Variants in GRIA1 observed in about 807,000 individuals in gnomAD.
GRIA1 encodes the protein glutamate ionotropic receptor AMPA type subunit 1.
In GRIA1, 31 loss-of-function variants were observed where a neutral mutation model predicts 99.2. The ratio of observed to expected loss-of-function variants is 0.31; its 90% CI spans 0.23 to 0.42. The LOEUF (loss-of-function observed/expected upper bound fraction) is 0.42, where lower values mean the gene tolerates loss of function less well. Among genes scored for constraint, GRIA1 ranks in the 10% least tolerant of loss-of-function variants. GRIA1 has a pLI of 1.00. For missense variants in GRIA1, 782 were observed against 1,157.5 expected, an observed-to-expected ratio of 0.68 and a Z score of 4.71; for synonymous variants, 438 against 432.4, an observed-to-expected ratio of 1.01 and a Z score of -0.16.
chr5:153,656,626 C>A (rs1198186353), intron 5 of GRIA1, among the ~76,000 whole-genome samples: 3 of 151,808 alleles, frequency 2.0e-5, no homozygotes, highest in Non-Finnish European at 4.4e-5. Context: ...AAGTTTAATT[C>A]TTCTAGCTTT....
chr5:153,676,607 C>T (rs1756604422), intron 6 of GRIA1, among the ~76,000 whole-genome samples: 1 of 152,282 alleles, frequency 6.6e-6, no homozygotes, highest in Admixed American at 6.5e-5. Flanking sequence ...GCTGATTTTT[C>T]ATGAACTGTA....
chr5:153,510,708 AG>A (rs924234816), intron 2 of GRIA1, among the ~76,000 whole-genome samples: 1 of 152,210 alleles, frequency 6.6e-6, no homozygotes, highest in African/African-American at 2.4e-5. Context: ...GATATTCCAA[AG>A]GTCTTGTTTA....
At chr5:153,522,940 CTTA>C (rs1445446905) in intron 2 of GRIA1, among the ~76,000 whole-genome samples, 1 of 151,798 alleles carries the variant, frequency 6.6e-6, no homozygotes, top group African/African-American at 2.4e-5. Flanking sequence ...GGTATGAATT[CTTA>C]TTAATTAATG....
intron 10 of GRIA1, among the ~76,000 whole-genome samples, chr5:153,703,237 A>C (rs1291222371): frequency 2.0e-5 from 3 of 152,248 alleles, no homozygotes; most frequent in Non-Finnish European, 4.4e-5. Flanking sequence ...ATGCTTAGGA[A>C]GATGAATGAC....
intron 11 of GRIA1, among the ~76,000 whole-genome samples, chr5:153,738,075 C>T (rs755023321): frequency 1.3e-5 from 2 of 152,150 alleles, no homozygotes; most frequent in South Asian, 4.1e-4. Context: ...CCAGGAACAG[C>T]GACTAAGAAA....
chr5:153,738,892 T>C (rs1325654627), intron 11 of GRIA1, among the ~76,000 whole-genome samples: 1 of 151,800 alleles, frequency 6.6e-6, no homozygotes, highest in Non-Finnish European at 1.5e-5. Flanking sequence ...CCGGCTAATT[T>C]TGTATTTTTA....
intron 8 of GRIA1, among the ~76,000 whole-genome samples, chr5:153,694,667 G>A (rs1025059262): frequency 9.9e-5 from 15 of 152,252 alleles, no homozygotes; most frequent in African/African-American, 3.6e-4. Flanking sequence ...CAAGCTGATA[G>A]TTGGTAATTA....
intron 2 of GRIA1, among the ~76,000 whole-genome samples, chr5:153,644,964 G>A (rs1035839671): frequency 4.6e-5 from 7 of 152,036 alleles, no homozygotes; most frequent in African/African-American, 1.7e-4. Flanking sequence ...TGCTCTGTGT[G>A]ATGGTCAGAT....
In GRIA1 at chr5:153,523,429, A is replaced by T. The variant is rs79981830; in HGVS notation, c.220+29364A>T. Reference sequence around the variant, plus strand: ...TTTCACCACAGCCTGAAATGATTTCATTCAGGGCTGAACTTCCACAGTACT... The same window carrying T: ...TTTCACCACAGCCTGAAATGATTTCTTTCAGGGCTGAACTTCCACAGTACT... On this transcript the variant is annotated intron_variant, in intron 2 of 15. Coordinates refer to ENST00000285900, the MANE Select transcript of GRIA1 (RefSeq NM_000827.4). Among the ~76,000 whole-genome samples, 1,466 of 152,202 alleles carry T rather than the reference A, an allele frequency of 9.6e-3. 29 individuals are homozygous for T. The highest frequency in any genetic ancestry group is 0.033 in the African/African-American group (1,383 of 41,538).
At chr5:153,580,855 G>C (rs576496831) in intron 2 of GRIA1, among the ~76,000 whole-genome samples, 5 of 152,268 alleles carry the variant, frequency 3.3e-5, no homozygotes, top group Non-Finnish European at 7.4e-5. Context: ...AGGCATCCTG[G>C]TACCTTAGCA....
intron 11 of GRIA1, among the ~76,000 whole-genome samples, chr5:153,725,590 A>C (rs1320418341): frequency 9.6e-6 from 1 of 103,644 alleles, no homozygotes; most frequent in Non-Finnish European, 1.9e-5. Context: ...CAGGGGTTGC[A>C]ATCCTAGTCT....
intron 2 of GRIA1, among the ~76,000 whole-genome samples, chr5:153,546,383 A>G (rs1209533199): frequency 6.6e-6 from 1 of 152,114 alleles, no homozygotes; most frequent in Non-Finnish European, 1.5e-5. Flanking sequence ...AATTTTTTGG[A>G]AGTGCTTTGT....
intron 5 of GRIA1, among the ~76,000 whole-genome samples, chr5:153,668,483 A>T (rs2149478865): frequency 6.6e-6 from 1 of 152,336 alleles, no homozygotes; most frequent in East Asian, 1.9e-4. Flanking sequence ...ATGCCCAAAA[A>T]TATTGGGAAA....
chr5:153,733,226 A>C (rs1199716707), intron 11 of GRIA1, among the ~76,000 whole-genome samples: 5 of 152,090 alleles, frequency 3.3e-5, no homozygotes, highest in African/African-American at 1.2e-4. Context: ...AAAAATGTAG[A>C]ATTTGTTAAT....
intron 3 of GRIA1, among the ~76,000 whole-genome samples, chr5:153,647,608 T>C (rs539327262): frequency 6.6e-6 from 1 of 152,210 alleles, no homozygotes; most frequent in African/African-American, 2.4e-5. Context: ...ACAATGTCTA[T>C]CTTATAAAGG....
chr5:153,512,469 A>G (rs1268519740), intron 2 of GRIA1, among the ~76,000 whole-genome samples: 2 of 152,220 alleles, frequency 1.3e-5, no homozygotes, highest in African/African-American at 4.8e-5. Flanking sequence ...TGCATTTTCT[A>G]TGGCCCAAGA....
chr5:153,656,383 T>TTTTATATATATATATA (rs769901040), intron 5 of GRIA1, among the ~76,000 whole-genome samples: 1 of 92,676 alleles, frequency 1.1e-5, no homozygotes, highest in African/African-American at 4.2e-5. Context: ...ATAAGTTTGT[T>TTTTATATATATATATA]TATATATATA....
At chr5:153,648,227 T>C (rs1754299762) in intron 3 of GRIA1, among the ~76,000 whole-genome samples, 1 of 152,182 alleles carries the variant, frequency 6.6e-6, no homozygotes, top group Non-Finnish European at 1.5e-5. Flanking sequence ...CCTATTTTCT[T>C]TGATTTTCTC....
intron 5 of GRIA1, among the ~76,000 whole-genome samples, chr5:153,671,247 T>C (rs1221878080): frequency 6.6e-6 from 1 of 152,228 alleles, no homozygotes; most frequent in Non-Finnish European, 1.5e-5. Flanking sequence ...GCCTCCATTA[T>C]GTCTGAGATG....
Sources: gnomAD v4.1 joint callset for allele counts (sites outside exome capture counted in the v4.1 genomes callset) on GRCh38, gnomAD v4.1.1 for gene constraint, MANE v1.5 for transcripts, NCBI Gene and HGNC (gene_info 2026-07-23, HGNC 2026-07-21) for gene names.